Variants in LINGO2 observed in about 807,000 individuals in gnomAD.
LINGO2 encodes leucine rich repeat and Ig domain containing 2.
Under a neutral mutation model 30.6 loss-of-function variants are expected in LINGO2, and 14 were observed. That is an observed-to-expected ratio of 0.46 (90% CI 0.30 to 0.72). The LOEUF (loss-of-function observed/expected upper bound fraction) is 0.72, where lower values mean the gene tolerates loss of function less well. LINGO2 is among the 30% of genes least tolerant of loss of function. LINGO2 has a pLI of 0.07. For missense variants in LINGO2, 729 were observed against 751.7 expected, an observed-to-expected ratio of 0.97 and a Z score of 0.35; for synonymous variants, 317 against 288.5, an observed-to-expected ratio of 1.10 and a Z score of -1.00.
intron 1 of LINGO2, among the ~76,000 whole-genome samples, chr9:28,552,714 C>T (rs147826866): frequency 0.024 from 3,493 of 146,526 alleles, 140 homozygotes; most frequent in African/African-American, 0.081. Context: ...TGTTTTAAGA[C>T]GTTGGATTTT....
At chr9:28,679,930 ATACT>A in the LINGO2 span, among the ~76,000 whole-genome samples, 1 of 151,674 alleles carries the variant, frequency 6.6e-6, no homozygotes, top group Non-Finnish European at 1.5e-5. Flanking sequence ...ATTTCTTCAC[ATACT>A]TACCGTTTTT....
intron 4 of LINGO2, among the ~76,000 whole-genome samples, chr9:28,190,568 C>G (rs192744991): frequency 6.6e-6 from 1 of 152,282 alleles, no homozygotes; most frequent in East Asian, 1.9e-4. Flanking sequence ...GAGGACACAG[C>G]AAGAGGACAG....
chr9:28,064,277 A>T lies in LINGO2; in HGVS notation c.-86-51872T>A, dbSNP rs572663731. ...AAGTGCCTTCGGGTTAAAGGCACCG[A>T]CATTTCCATGAGGTTGTACCCATTC... On this transcript the variant is annotated intron_variant, in intron 4 of 5. Transcript: ENST00000379992. Among the ~76,000 whole-genome samples, 254 of 152,248 alleles carry T rather than the reference A, an allele frequency of 1.7e-3. 2 individuals carry two copies. The highest frequency in any genetic ancestry group is 5.6e-3 in the African/African-American group (234 of 41,556).
the LINGO2 span, among the ~76,000 whole-genome samples, chr9:29,157,863 C>T: frequency 6.6e-5 from 10 of 152,050 alleles, no homozygotes; most frequent in Admixed American, 6.6e-4. Flanking sequence ...CCTCATGAAA[C>T]AGTACTATAC....
At chr9:28,443,309 C>G (rs1281224498) in intron 2 of LINGO2, among the ~76,000 whole-genome samples, 1 of 152,198 alleles carries the variant, frequency 6.6e-6, no homozygotes. Context: ...CCATCTGGAG[C>G]AACTGTTGTG....
intron 5 of LINGO2, among the ~76,000 whole-genome samples, chr9:28,005,689 G>A (rs1309282260): frequency 6.6e-6 from 1 of 152,060 alleles, no homozygotes; most frequent in Non-Finnish European, 1.5e-5. Flanking sequence ...CATTTCAGCC[G>A]ATGAGGGAAG....
chr9:28,937,312 T>C, the LINGO2 span, among the ~76,000 whole-genome samples: 42 of 152,292 alleles, frequency 2.8e-4, no homozygotes, highest in African/African-American at 9.6e-4. Context: ...TGAAATTTGT[T>C]TGTGAATAAT....
At chr9:29,068,352 A>G in the LINGO2 span, among the ~76,000 whole-genome samples, 1 of 151,792 alleles carries the variant, frequency 6.6e-6, no homozygotes, top group Non-Finnish European at 1.5e-5. Flanking sequence ...AAAATAAGTA[A>G]CAATGTATTT....
At chr9:28,303,358 G>A (rs557132388) in intron 3 of LINGO2, among the ~76,000 whole-genome samples, 24 of 152,140 alleles carry the variant, frequency 1.6e-4, no homozygotes, top group Non-Finnish European at 1.0e-4. Flanking sequence ...GCCTGGGAAT[G>A]AGAGGGGCTT....
chr9:28,758,768 C>T, the LINGO2 span, among the ~76,000 whole-genome samples: 287 of 152,128 alleles, frequency 1.9e-3, 3 homozygotes, highest in Middle Eastern at 0.02. Context: ...TATTCGCCAT[C>T]CCAGAAATTA....
At chr9:28,603,801 T>C (rs953193989) in intron 1 of LINGO2, among the ~76,000 whole-genome samples, 2 of 152,046 alleles carry the variant, frequency 1.3e-5, no homozygotes, top group Non-Finnish European at 2.9e-5. Flanking sequence ...GCATAGTTCC[T>C]AGTGTTTTTG....
chr9:27,970,139 T>C (rs1457895717), intron 5 of LINGO2, among the ~76,000 whole-genome samples: 1 of 152,186 alleles, frequency 6.6e-6, no homozygotes, highest in Non-Finnish European at 1.5e-5. Context: ...AGAGTGACCA[T>C]AGACTATACC....
chr9:28,906,380 A>G, the LINGO2 span, among the ~76,000 whole-genome samples: 83 of 152,042 alleles, frequency 5.5e-4, no homozygotes, highest in African/African-American at 1.9e-3. Flanking sequence ...ATGTATACAT[A>G]TTTCAAAAAA....
chr9:27,981,471 GTTA>G (rs1252032226), intron 5 of LINGO2, among the ~76,000 whole-genome samples: 3 of 137,278 alleles, frequency 2.2e-5, no homozygotes, highest in Non-Finnish European at 3.1e-5. Context: ...CAGAATGAGG[GTTA>G]TTTTGAAGTA....
chr9:28,700,202 CT>C, the LINGO2 span, among the ~76,000 whole-genome samples: 1 of 151,932 alleles, frequency 6.6e-6, no homozygotes, highest in African/African-American at 2.4e-5. Flanking sequence ...TACTCTTTCT[CT>C]TTATTTCTCA....
At chr9:29,138,785 G>A in the LINGO2 span, among the ~76,000 whole-genome samples, 30 of 152,174 alleles carry the variant, frequency 2.0e-4, no homozygotes, top group South Asian at 3.9e-3. Context: ...CAACTAATGC[G>A]TCATATAATT....
chr9:28,577,622 T>C (rs1824054835), intron 1 of LINGO2, among the ~76,000 whole-genome samples: 2 of 152,208 alleles, frequency 1.3e-5, no homozygotes, highest in South Asian at 4.1e-4. Context: ...CCTGTCTTGA[T>C]AAATTGGTTC....
the LINGO2 span, among the ~76,000 whole-genome samples, chr9:28,944,734 C>A: frequency 9.9e-5 from 15 of 152,060 alleles, no homozygotes; most frequent in African/African-American, 3.6e-4. Context: ...GGTTATTGAC[C>A]AGCTACTGAA....
chr9:29,055,940 G>GTATATATATATATGTATATATA, the LINGO2 span, among the ~76,000 whole-genome samples: 1 of 119,980 alleles, frequency 8.3e-6, no homozygotes, highest in African/African-American at 3.2e-5. Flanking sequence ...ATGTGTGTGT[G>GTATATATATATATGTATATATA]TATATATACA....
Sources: gnomAD v4.1 joint callset for allele counts (sites outside exome capture counted in the v4.1 genomes callset) on GRCh38, gnomAD v4.1.1 for gene constraint, MANE v1.5 for transcripts, NCBI Gene and HGNC (gene_info 2026-07-23, HGNC 2026-07-21) for gene names.